EXOSC5: variants seen among roughly 807,000 people sequenced by gnomAD.
The protein encoded by EXOSC5 is exosome complex component RRP46.
A neutral mutation model predicts 23.7 loss-of-function variants in EXOSC5; 15 were observed. The observed-to-expected ratio is 0.63, with a 90% CI of 0.42 to 0.97. EXOSC5 has a LOEUF of 0.97. EXOSC5 is among the 50% of genes least tolerant of loss of function. The pLI is 0.00. For synonymous variants in EXOSC5, 143 were observed against 140.9 expected (o/e 1.02, Z -0.11); for missense variants, 305 against 316.3 (o/e 0.96, Z 0.27).
rs2038984782 is a variant in EXOSC5 at position 41,386,491 on chromosome 19, C to T, written c.*142G>A. 1 of 739,586 alleles carries T rather than the reference C, an allele frequency of 1.4e-6. No homozygotes were observed. The highest frequency in any genetic ancestry group is 2.8e-5 in the East Asian group (1 of 36,048). The allele number at this position is 739,586 out of a possible 1,614,324, so 45.8% of individuals were successfully genotyped here. On this transcript the variant is annotated 3_prime_UTR_variant, in exon 6 of 6. Transcript: ENST00000221233. ...GGGGGCTGTCACAGGCCAAGGCCTC[C>T]CCACAGGAGCCCTGTGGTTACAGAG...
At chr19:41,393,392 G>A (rs1014937054) in intron 1 of EXOSC5, among the ~76,000 whole-genome samples, 1 of 152,004 alleles carries the variant, frequency 6.6e-6, no homozygotes, top group Non-Finnish European at 1.5e-5. Context: ...AGCCTCCCAA[G>A]TAGCTGGAAC....
chr19:41,394,971 G>T (rs11668924), intron 1 of EXOSC5, among the ~76,000 whole-genome samples: 97,181 of 148,948 alleles, frequency 0.65, 32,763 homozygotes, highest in African/African-American at 0.82. Context: ...GAGGTGGAGG[G>T]TGCAGTGAGC....
intron 4 of EXOSC5, among the ~76,000 whole-genome samples, chr19:41,388,963 T>G (rs1049156532): frequency 6.6e-6 from 1 of 152,206 alleles, no homozygotes. Flanking sequence ...TTTTATTTTA[T>G]TTTTGAGAGT....
intron 2 of EXOSC5, among the ~76,000 whole-genome samples, chr19:41,392,431 A>C (rs2123224186): frequency 6.6e-6 from 1 of 152,120 alleles, no homozygotes; most frequent in African/African-American, 2.4e-5. Flanking sequence ...AAAAAATACA[A>C]AAAATTAGTG....
chr19:41,391,762 G>T, intron 3 of EXOSC5, 79 bp downstream of exon 3: 1 of 1,439,142 alleles, frequency 6.9e-7, no homozygotes, highest in Non-Finnish European at 9.1e-7. Flanking sequence ...TTTCTGGCTA[G>T]CAGTGAGGGT....
rs199563197 is a variant in EXOSC5, at chr19:41,391,945, G to A, written c.280C>T (p.Arg94Trp). Residue 94 changes from arginine to tryptophan, a missense_variant, in exon 3 of 6, where the codon CGG becomes TGG. Transcript: ENST00000221233. ...IGLPGVAEKSRERLIRNTCEA... is the reference protein window; with the variant it reads ...IGLPGVAEKSWERLIRNTCEA... ...CACGTGTTCCTGATCAGCCGCTCCC[G>A]GCTCTTCTCTGCAACACCTGGGGAA... 35 of 1,582,998 alleles carry A rather than the reference G, an allele frequency of 2.2e-5. No homozygotes were observed. The highest frequency in any genetic ancestry group is 1.7e-4 in the East Asian group (7 of 41,368).
intron 3 of EXOSC5, among the ~76,000 whole-genome samples, chr19:41,390,195 A>G (rs2039013731): frequency 6.6e-6 from 1 of 152,144 alleles, no homozygotes; most frequent in Admixed American, 6.5e-5. Context: ...CGGCCTCCCA[A>G]AGTGCTGGGA....
intron 2 of EXOSC5, 50 bp from the exon 3 acceptor site, chr19:41,392,012 C>A (rs755340409): frequency 2.6e-6 from 4 of 1,558,100 alleles, no homozygotes; most frequent in East Asian, 4.9e-5. Flanking sequence ...TTTGACTCAC[C>A]TTCCTCCATA....
At chr19:41,390,847 A>G (rs2039018154) in intron 3 of EXOSC5, among the ~76,000 whole-genome samples, 1 of 152,182 alleles carries the variant, frequency 6.6e-6, no homozygotes, top group Non-Finnish European at 1.5e-5. Context: ...CACTTCTGTA[A>G]AATGGGGTCA....
intron 3 of EXOSC5, among the ~76,000 whole-genome samples, chr19:41,390,185 C>T (rs572065782): frequency 6.6e-6 from 1 of 152,278 alleles, no homozygotes; most frequent in East Asian, 1.9e-4. Context: ...CCACCTGCCT[C>T]GGCCTCCCAA....
chr19:41,396,503 C>T (rs1039248906), intron 1 of EXOSC5, among the ~76,000 whole-genome samples: 10 of 152,152 alleles, frequency 6.6e-5, no homozygotes, highest in African/African-American at 2.4e-4. Flanking sequence ...AGCCACCGCC[C>T]CCGGCCTCCC....
At chr19:41,394,760 C>T (rs1429527297) in intron 1 of EXOSC5, among the ~76,000 whole-genome samples, 1 of 151,958 alleles carries the variant, frequency 6.6e-6, no homozygotes, top group Non-Finnish European at 1.5e-5. Context: ...CTCAACCAAG[C>T]GAGGTGGCTC....
Position 41,397,262 on chromosome 19 carries a change from C to A in EXOSC5, c.67G>T (p.Gly23Cys). The A allele has an allele frequency of 1.2e-6, 2 of 1,614,218 alleles. No homozygotes were observed. The highest frequency in any genetic ancestry group is 1.7e-6 in the Non-Finnish European group (2 of 1,180,032). The part of the protein sequence containing the change: ...AENGTGSSPR[G>C]PGCSLRHFAC... Reference sequence around the variant, plus strand: ...AAGTGCCGGAGGCTGCAGCCAGGACCCCGAGGGCTGGACCCTGTTCCATTT... The same window carrying A: ...AAGTGCCGGAGGCTGCAGCCAGGACACCGAGGGCTGGACCCTGTTCCATTT... The change falls in exon 1 of 6, where the codon GGT (glycine) becomes TGT (cysteine). Residue 23 changes from glycine (G) to cysteine (C), a missense_variant. Transcript: ENST00000221233.
At chr19:41,392,576 A>T (rs2039031311) in intron 2 of EXOSC5, among the ~76,000 whole-genome samples, 1 of 151,640 alleles carries the variant, frequency 6.6e-6, no homozygotes, top group Admixed American at 6.6e-5. Context: ...AGAGCGAGAC[A>T]CTGTCTCCAA....
At chr19:41,392,529 A>G (rs2039030689) in intron 2 of EXOSC5, among the ~76,000 whole-genome samples, 1 of 152,076 alleles carries the variant, frequency 6.6e-6, no homozygotes, top group Admixed American at 6.6e-5. Flanking sequence ...GGTTGCAGTG[A>G]GCTGAGATCG....
intron 3 of EXOSC5, among the ~76,000 whole-genome samples, chr19:41,391,256 A>T (rs1236542875): frequency 1.3e-5 from 2 of 152,156 alleles, no homozygotes; most frequent in African/African-American, 2.4e-5. Flanking sequence ...TTCCACCTGT[A>T]ATTCAGGAGG....
At chr19:41,395,879 T>G (rs753583605) in intron 1 of EXOSC5, among the ~76,000 whole-genome samples, 2 of 152,228 alleles carry the variant, frequency 1.3e-5, no homozygotes, top group African/African-American at 2.4e-5. Flanking sequence ...GTCTCTCTTC[T>G]GATTTCCAGA....
At chr19:41,388,366 GGAA>G (rs2038999870) in intron 4 of EXOSC5, among the ~76,000 whole-genome samples, 1 of 152,248 alleles carries the variant, frequency 6.6e-6, no homozygotes, top group African/African-American at 2.4e-5. Context: ...GTGGGAGAAT[GGAA>G]GAAAAGCAGC....
intron 3 of EXOSC5, among the ~76,000 whole-genome samples, chr19:41,391,291 C>G (rs1283766644): frequency 6.6e-6 from 1 of 152,126 alleles, no homozygotes; most frequent in African/African-American, 2.4e-5. Flanking sequence ...TCGCTTGAGC[C>G]CGGGAGGTAG....
Sources: allele counts gnomAD v4.1 joint callset (sites outside exome capture counted in the v4.1 genomes callset), GRCh38; gene constraint gnomAD v4.1.1; transcripts MANE v1.5; gene names NCBI Gene and HGNC (gene_info 2026-07-23, HGNC 2026-07-21).